Variants in DPYD observed in about 807,000 individuals in gnomAD.
DPYD encodes dihydropyrimidine dehydrogenase.
Under a neutral mutation model 116.2 loss-of-function variants are expected in DPYD, and 109 were observed. That is an observed-to-expected ratio of 0.94 (90% CI 0.80 to 1.10). DPYD has a LOEUF of 1.10. DPYD is among the 50% of genes least tolerant of loss of function. The pLI is 0.00. For missense variants in DPYD, 1,302 were observed against 1,254.5 expected, an observed-to-expected ratio of 1.04 and a Z score of -0.57; for synonymous variants, 440 against 432.0, an observed-to-expected ratio of 1.02 and a Z score of -0.23.
intron 4 of DPYD, among the ~76,000 whole-genome samples, chr1:97,733,639 A>T (rs1043192923): frequency 1.3e-5 from 2 of 152,068 alleles, no homozygotes; most frequent in African/African-American, 2.4e-5. Flanking sequence ...TACTTCAAAC[A>T]ATGCTATAAT....
At chr1:97,436,515 A>G (rs778832222) in intron 14 of DPYD, among the ~76,000 whole-genome samples, 4 of 151,936 alleles carry the variant, frequency 2.6e-5, no homozygotes, top group Non-Finnish European at 5.9e-5. Context: ...CTATACTTCC[A>G]ATGTGGAAAG....
At chr1:97,382,927 T>C (rs939994044) in intron 14 of DPYD, among the ~76,000 whole-genome samples, 10 of 152,202 alleles carry the variant, frequency 6.6e-5, no homozygotes, top group African/African-American at 1.9e-4. Context: ...TAACTCACTA[T>C]AGTACACATA....
At chr1:97,666,535 T>C (rs1383631970) in intron 8 of DPYD, among the ~76,000 whole-genome samples, 1 of 152,096 alleles carries the variant, frequency 6.6e-6, no homozygotes, top group Non-Finnish European at 1.5e-5. Flanking sequence ...AAGTTATTTA[T>C]TGAAGATGTA....
At chr1:97,323,343 T>TGTACACGTATGTATAC (rs1189092730) in intron 16 of DPYD, among the ~76,000 whole-genome samples, 1 of 96,328 alleles carries the variant, frequency 1.0e-5, no homozygotes, top group African/African-American at 3.7e-5. Context: ...CACGTATATA[T>TGTACACGTATGTATAC]ACATGTGTAT....
At chr1:97,140,723 C>A (rs1419807574) in intron 20 of DPYD, among the ~76,000 whole-genome samples, 2 of 152,072 alleles carry the variant, frequency 1.3e-5, no homozygotes, top group Non-Finnish European at 2.9e-5. Context: ...CAGGTTAAAG[C>A]AGAGATTGTT....
chr1:97,735,023 T>C lies in DPYD; in HGVS notation c.321+5369A>G, dbSNP rs1000639491. 2.6e-5 allele frequency among the ~76,000 whole-genome samples: 4 copies of C among 152,180 alleles called. No individual in the cohort carries two copies. The East Asian group carries it at 5.8e-4, about 22-fold the overall frequency. On this transcript the variant is annotated intron_variant, in intron 4 of 22. Coordinates refer to ENST00000370192, the MANE Select transcript of DPYD (RefSeq NM_000110.4). ...AAAATAATGTCCTTAGCAAATTAAA[T>C]TTATATTTGTATTTTTGGTCTGATT... is the stretch of plus-strand genomic sequence containing the variant.
chr1:97,875,270 A>T (rs1256431676), intron 2 of DPYD, among the ~76,000 whole-genome samples: 1 of 151,960 alleles, frequency 6.6e-6, no homozygotes, highest in Non-Finnish European at 1.5e-5. Flanking sequence ...TCGGTTTTTG[A>T]CATAGTCATA....
At chr1:97,362,116 C>T (rs1485981810) in intron 16 of DPYD, among the ~76,000 whole-genome samples, 1 of 152,216 alleles carries the variant, frequency 6.6e-6, no homozygotes, top group Non-Finnish European at 1.5e-5. Context: ...TCTCAGGATA[C>T]AAAATCAATG....
chr1:97,283,989 C>CT (rs1348259929), intron 18 of DPYD, among the ~76,000 whole-genome samples: 9 of 152,076 alleles, frequency 5.9e-5, no homozygotes, highest in Non-Finnish European at 8.8e-5. Context: ...ACAAAATCTC[C>CT]TTAATAAAAG....
chr1:97,117,291 G>A (rs550362223), intron 20 of DPYD, among the ~76,000 whole-genome samples: 8 of 152,250 alleles, frequency 5.3e-5, no homozygotes, highest in African/African-American at 1.9e-4. Context: ...ATCAAGTGTC[G>A]CTCATTTATC....
intron 14 of DPYD, among the ~76,000 whole-genome samples, chr1:97,448,335 G>A (rs868575884): frequency 5.9e-5 from 9 of 152,194 alleles, no homozygotes; most frequent in African/African-American, 1.9e-4. Flanking sequence ...CATATATTAG[G>A]TGTGTAACGA....
chr1:97,449,693 G>T (rs1319566345), intron 14 of DPYD, among the ~76,000 whole-genome samples: 2 of 152,036 alleles, frequency 1.3e-5, no homozygotes, highest in Non-Finnish European at 2.9e-5. Flanking sequence ...TCTGCCTCAG[G>T]TTTATATTTA....
chr1:97,414,024 C>T (rs1674154295), intron 14 of DPYD, among the ~76,000 whole-genome samples: 1 of 152,026 alleles, frequency 6.6e-6, no homozygotes, highest in South Asian at 2.1e-4. Context: ...ATGCACTTTT[C>T]CTTCAACCAA....
chr1:97,383,462 C>T (rs1221769324), intron 14 of DPYD, among the ~76,000 whole-genome samples: 4 of 136,108 alleles, frequency 2.9e-5, no homozygotes, highest in South Asian at 2.3e-4. Flanking sequence ...GGCAACAGAG[C>T]GAGACTCTGT....
At chr1:97,441,914 A>C (rs1321961858) in intron 14 of DPYD, among the ~76,000 whole-genome samples, 1 of 152,084 alleles carries the variant, frequency 6.6e-6, no homozygotes, top group Non-Finnish European at 1.5e-5. Context: ...CCTGGGGCTA[A>C]TTATTTCCCA....
At chr1:97,476,070 C>T (rs1677946803) in intron 13 of DPYD, among the ~76,000 whole-genome samples, 1 of 152,270 alleles carries the variant, frequency 6.6e-6, no homozygotes, top group South Asian at 2.1e-4. Flanking sequence ...CCGATGGTTT[C>T]CCTAAACTGA....
intron 1 of DPYD, among the ~76,000 whole-genome samples, chr1:97,891,338 T>C (rs538367859): frequency 3.4e-4 from 51 of 152,004 alleles, no homozygotes; most frequent in African/African-American, 1.2e-3. Context: ...GGGAGATTTT[T>C]CTCTCATCAA....
chr1:97,145,376 G>C (rs1654539897), intron 20 of DPYD, among the ~76,000 whole-genome samples: 1 of 152,102 alleles, frequency 6.6e-6, no homozygotes, highest in Admixed American at 6.6e-5. Context: ...GCTCTCTTTT[G>C]CTTGTCTTTT....
chr1:97,686,081 T>C (rs1158099156), intron 7 of DPYD, among the ~76,000 whole-genome samples: 5 of 152,052 alleles, frequency 3.3e-5, no homozygotes, highest in South Asian at 2.1e-4. Context: ...CTTCAAACTA[T>C]ACTATAAGGC....
Sources: gnomAD v4.1 joint callset for allele counts (sites outside exome capture counted in the v4.1 genomes callset) on GRCh38, gnomAD v4.1.1 for gene constraint, MANE v1.5 for transcripts, NCBI Gene and HGNC (gene_info 2026-07-23, HGNC 2026-07-21) for gene names.